Variants in PLIN2 observed in about 807,000 individuals in gnomAD.
PLIN2 encodes perilipin 2.
Under a neutral mutation model 30.6 loss-of-function variants are expected in PLIN2, and 33 were observed. That is an observed-to-expected ratio of 1.08 (90% CI 0.82 to 1.44). PLIN2 has a LOEUF of 1.44. Among genes scored for constraint, PLIN2 ranks in the 40% most tolerant of loss-of-function variants. The pLI is 0.00. For missense variants in PLIN2, 610 were observed against 531.8 expected (o/e 1.15, Z -1.45); for synonymous variants, 205 against 201.1 (o/e 1.02, Z -0.16).
At chr9:19,108,954 A>G (rs1459446421) in intron 2 of PLIN2, among the ~76,000 whole-genome samples, 1 of 152,254 alleles carries the variant, frequency 6.6e-6, no homozygotes, top group Admixed American at 6.5e-5. Context: ...GAAACTAACT[A>G]GTGGTGGAAC....
At position 19,116,503 on chromosome 9, in the gene PLIN2, G is replaced by C; in HGVS notation, c.1059C>G (p.Ile353Met). The part of the protein sequence containing the change: ...AKHMGVMAGD[I>M]YSVFRNAASF... Reference sequence around the variant, plus strand: ...AGGCAGCATTGCGGAACACTGAGTAGATGTCGCCTGCCATCACCCCCATGT... The same window carrying C: ...AGGCAGCATTGCGGAACACTGAGTACATGTCGCCTGCCATCACCCCCATGT... The change falls in exon 8 of 8, where the codon ATC becomes ATG. Residue 353 changes from isoleucine to methionine, a missense_variant. Coordinates refer to ENST00000276914, the MANE Select transcript of PLIN2 (RefSeq NM_001122.4). The C allele has an allele frequency of 6.2e-7, 1 of 1,614,204 alleles. No homozygotes were observed. Among genetic ancestry groups the C allele is most frequent in the Non-Finnish European group, 8.5e-7 (1 of 1,180,036 alleles).
chr9:19,113,302 C>T (rs1319601597), downstream of PLIN2, among the ~76,000 whole-genome samples: 12 of 152,042 alleles, frequency 7.9e-5, no homozygotes, highest in East Asian at 2.3e-3. Flanking sequence ...CCATCACACT[C>T]CAGCCTGGAC....
chr9:19,121,220 T>C, intron 4 of PLIN2, 55 bp from the exon 5 acceptor site: 1 of 1,507,778 alleles, frequency 6.6e-7, no homozygotes, highest in East Asian at 2.3e-5. Flanking sequence ...CACAAGGACA[T>C]ACCTAAGGTC....
intron 2 of PLIN2, among the ~76,000 whole-genome samples, chr9:19,108,932 C>T (rs1378743575): frequency 6.6e-6 from 1 of 152,122 alleles, no homozygotes; most frequent in Non-Finnish European, 1.5e-5. Flanking sequence ...ACTAAGGAAA[C>T]CTTTTAAAAA....
In PLIN2 at chr9:19,127,143, G is replaced by A. The variant is rs1031249831; in HGVS notation, c.-23+276C>T. ...CAAGCAGGCCAAGGGACATTCGATA[G>A]CAATCGCCCTAAATCTGTTGGCAGG... On this transcript the variant is annotated intron_variant, in intron 1 of 7. Transcript: ENST00000276914. This position sits in a 1 kb window ranked among gnomAD's most constrained non-coding sequence, Gnocchi z 4.3. Among the ~76,000 whole-genome samples, 1 of 152,222 alleles carries A rather than the reference G, an allele frequency of 6.6e-6. No homozygotes were observed. The highest frequency in any genetic ancestry group is 1.5e-5 in the Non-Finnish European group (1 of 68,044).
chr9:19,110,397 T>C (rs558544311), intron 2 of PLIN2, among the ~76,000 whole-genome samples: 79 of 152,326 alleles, frequency 5.2e-4, no homozygotes, highest in Admixed American at 1.6e-3. Context: ...TGTATAACAT[T>C]GTGAATGTGC....
chr9:19,118,430 T>C lies in PLIN2; in HGVS notation c.803A>G (p.Tyr268Cys). Residue 268 changes from tyrosine (Y) to cysteine (C), a missense_variant, in exon 7 of 8, where the codon TAT becomes TGT. By Grantham distance (194) the Tyr-to-Cys change is radical. Transcript: ENST00000276914. ...HLIEFARKNV[Y>C]SANQKIQDAQ... is the part of the protein sequence containing the mutation. ...ATCCTGAATTTTCTGATTGGCACTATACACATTCTTCCTGGCAAATTCAAT... is the reference window on the plus strand; with the variant it reads ...ATCCTGAATTTTCTGATTGGCACTACACACATTCTTCCTGGCAAATTCAAT... 1 of 1,613,778 alleles carries C rather than the reference T, an allele frequency of 6.2e-7. No homozygotes were observed. Among genetic ancestry groups the C allele is most frequent in the Non-Finnish European group, 8.5e-7 (1 of 1,179,900 alleles).
chr9:19,120,438 T>A (rs1251744959), intron 5 of PLIN2, among the ~76,000 whole-genome samples: 2 of 152,184 alleles, frequency 1.3e-5, no homozygotes, highest in Non-Finnish European at 2.9e-5. Flanking sequence ...AAGCAATCCA[T>A]TAAAGACTAT....
At chr9:19,112,289 C>T (rs1818168740), downstream of PLIN2, among the ~76,000 whole-genome samples, 1 of 152,176 alleles carries the variant, frequency 6.6e-6, no homozygotes, top group Non-Finnish European at 1.5e-5. Flanking sequence ...GTTGACGAAC[C>T]TGCCATGGTT....
At chr9:19,121,275 C>A in intron 4 of PLIN2, 110 bp from the exon 5 acceptor site, 1 of 935,360 alleles carries the variant, frequency 1.1e-6, no homozygotes, top group South Asian at 1.6e-5. Context: ...GGAATCTAGT[C>A]CTCTCACTCT....
rs1818304183 is a variant in PLIN2, at chr9:19,120,940, CA to C, written c.534del (p.Asn178LysfsTer10). On this transcript the variant is annotated frameshift_variant, in exon 5 of 8. Transcript: ENST00000276914. LOFTEE classifies it high-confidence loss of function. ...MMQLVSSGVENALTKSELLVE... is the reference protein window; with the variant it reads ...MMQLVSSGVEXALTKSELLVE... Reference sequence around the variant, plus strand: ...ACCAACAGCTCTGATTTGGTGAGTGCATTTTCTACGCCACTGCTCACGAGCT... The same window carrying C: ...ACCAACAGCTCTGATTTGGTGAGTGCTTTTCTACGCCACTGCTCACGAGCT... 40 of 1,614,128 alleles carry C rather than the reference CA, an allele frequency of 2.5e-5. No individual in the cohort carries two copies. In the East Asian group the frequency reaches 8.7e-4, roughly 35 times the overall value.
rs145430775 is a variant in PLIN2 at position 19,118,375 on chromosome 9, T to C, written c.858A>G (p.Val286=). ...DAQDKLYLSW[V]EWKRSIGYDD... ...CATATCCAATGCTCCTTTTCCACTC[T>C]ACCCATGAGAGGTAGAGCTTATCCT... is the stretch of plus-strand genomic sequence containing the variant. The change falls in exon 7 of 8, where the codon GTA becomes GTG. Residue 286 remains valine (V), a synonymous_variant. Coordinates refer to ENST00000276914, the MANE Select transcript of PLIN2 (RefSeq NM_001122.4). The C allele has an allele frequency of 9.9e-6, 16 of 1,613,358 alleles. No individual in the cohort carries two copies. The African/African-American group carries it at 2.0e-4, about 20-fold the overall frequency.
rs763391238 is a variant in PLIN2, at chr9:19,116,477, G to C, written c.1085C>G (p.Ser362Cys). The C allele has an allele frequency of 6.2e-6, 10 of 1,614,120 alleles. No individual in the cohort carries two copies. In the South Asian group the frequency reaches 9.9e-5, roughly 16 times the overall value. Residue 362 changes from serine (S) to cysteine (C), a missense_variant, in exon 8 of 8, where the codon TCC becomes TGC. Ser to Cys is a moderately radical substitution (Grantham distance 112, BLOSUM62 -1). Coordinates refer to ENST00000276914, the MANE Select transcript of PLIN2 (RefSeq NM_001122.4). Reference protein sequence around the residue: ...DIYSVFRNAASFKEVSDSLLT... With the variant: ...DIYSVFRNAACFKEVSDSLLT... ...GAGGCTGTCAGACACTTCTTTAAAGGAGGCAGCATTGCGGAACACTGAGTA... is the reference window on the plus strand; with the variant it reads ...GAGGCTGTCAGACACTTCTTTAAAGCAGGCAGCATTGCGGAACACTGAGTA...
chr9:19,123,729 G>A, intron 3 of PLIN2, 82 bp from the exon 4 acceptor site: 2 of 1,236,908 alleles, frequency 1.6e-6, no homozygotes, highest in Non-Finnish European at 2.3e-6. Flanking sequence ...TATAAAAAAT[G>A]GCAATAATGG....
At position 19,116,494 on chromosome 9, in the gene PLIN2, C is replaced by G. The variant is rs1238699282; in HGVS notation, c.1068G>C (p.Val356=). The change falls in exon 8 of 8, where the codon GTG becomes GTC. Residue 356 remains valine (V), a synonymous_variant. Coordinates refer to ENST00000276914, the MANE Select transcript of PLIN2 (RefSeq NM_001122.4). ...MGVMAGDIYS[V]FRNAASFKEV... is the part of the protein sequence containing the mutation. ...CTTTAAAGGAGGCAGCATTGCGGAA[C>G]ACTGAGTAGATGTCGCCTGCCATCA... The G allele has an allele frequency of 3.1e-6, 5 of 1,614,236 alleles. No homozygotes were observed. Among genetic ancestry groups the G allele is most frequent in the Non-Finnish European group, 4.2e-6 (5 of 1,180,042 alleles).
At position 19,118,438 on chromosome 9, in the gene PLIN2, C is replaced by A. The variant is rs373365753; in HGVS notation, c.795G>T (p.Lys265Asn). The A allele has an allele frequency of 1.9e-5, 30 of 1,613,466 alleles. No homozygotes were observed. The highest frequency in any genetic ancestry group is 2.4e-5 in the Non-Finnish European group (28 of 1,179,888). ...STVHLIEFARKNVYSANQKIQ... is the reference protein window; with the variant it reads ...STVHLIEFARNNVYSANQKIQ... Reference sequence around the variant, plus strand: ...TTTTCTGATTGGCACTATACACATTCTTCCTGGCAAATTCAATCTAGACAC... The same window carrying A: ...TTTTCTGATTGGCACTATACACATTATTCCTGGCAAATTCAATCTAGACAC... The change falls in exon 7 of 8, where the codon AAG (lysine) becomes AAT (asparagine). Residue 265 changes from lysine to asparagine, a missense_variant. Transcript: ENST00000276914.
chr9:19,125,118 C>T (rs559856346), intron 3 of PLIN2, among the ~76,000 whole-genome samples: 4 of 152,176 alleles, frequency 2.6e-5, no homozygotes, highest in Non-Finnish European at 5.9e-5. Flanking sequence ...TGAGATTTCT[C>T]ATGGAGTATG....
intron 6 of PLIN2, among the ~76,000 whole-genome samples, chr9:19,118,994 G>T (rs1818272414): frequency 6.6e-6 from 1 of 152,130 alleles, no homozygotes; most frequent in Admixed American, 6.6e-5. Context: ...CGCCCAGCCA[G>T]CAACTAAAAT....
chr9:19,118,728 A>C (rs997167791), intron 6 of PLIN2, among the ~76,000 whole-genome samples: 1 of 152,028 alleles, frequency 6.6e-6, no homozygotes, highest in Non-Finnish European at 1.5e-5. Context: ...ACTACAAAAA[A>C]TTTTTTTTGA....
Sources: allele counts gnomAD v4.1 joint callset (sites outside exome capture counted in the v4.1 genomes callset), GRCh38; gene constraint gnomAD v4.1.1; non-coding constraint Gnocchi (gnomAD v3.1); transcripts MANE v1.5; gene names NCBI Gene and HGNC (gene_info 2026-07-23, HGNC 2026-07-21).